KCNQ5: variants seen among roughly 807,000 people sequenced by gnomAD.
The protein encoded by KCNQ5 is potassium voltage-gated channel subfamily KQT member 5.
KCNQ5 carries 30 observed loss-of-function variants against 98.2 expected under a neutral mutation model. That is an observed-to-expected ratio of 0.31 (90% confidence interval 0.23 to 0.41). The LOEUF (loss-of-function observed/expected upper bound fraction) is 0.41. KCNQ5 is among the 10% of genes least tolerant of loss of function. The pLI is 1.00. For missense variants in KCNQ5, 835 were observed against 1,182.5 expected, an observed-to-expected ratio of 0.71 and a Z score of 4.31; for synonymous variants, 458 against 449.4, an observed-to-expected ratio of 1.02 and a Z score of -0.24.
chr6:72,765,667 A>T lies in KCNQ5; in HGVS notation c.398+143080A>T, dbSNP rs79328036. Reference sequence around the variant, plus strand: ...ATTCATGTACTGAGAAATAGGCAGGAGGCAGCTGATATCAACCTTCCTATA... The same window carrying T: ...ATTCATGTACTGAGAAATAGGCAGGTGGCAGCTGATATCAACCTTCCTATA... On this transcript the variant is annotated intron_variant, in intron 1 of 13. Coordinates refer to ENST00000370398, the MANE Select transcript of KCNQ5 (RefSeq NM_019842.4). Among the ~76,000 whole-genome samples, 19 of 152,188 alleles carry T rather than the reference A, an allele frequency of 1.2e-4. No homozygotes were observed. The East Asian group carries it at 3.5e-3, about 28-fold the overall frequency.
chr6:72,805,450 A>G (rs923278613), intron 1 of KCNQ5, among the ~76,000 whole-genome samples: 4 of 151,994 alleles, frequency 2.6e-5, no homozygotes, highest in Admixed American at 6.6e-5. Flanking sequence ...TGGCACTTCT[A>G]TTGAAAAATG....
Position 72,654,873 on chromosome 6 carries a change from G to T in KCNQ5, c.398+32286G>T, listed in dbSNP as rs571305912. Reference sequence around the variant, plus strand: ...AATTGTTCAATGAACAAAGAAAACTGTACTTTTGACTAAATTGTAATTAAG... The same window carrying T: ...AATTGTTCAATGAACAAAGAAAACTTTACTTTTGACTAAATTGTAATTAAG... On this transcript the variant is annotated intron_variant, in intron 1 of 13. Coordinates refer to ENST00000370398, the MANE Select transcript of KCNQ5 (RefSeq NM_019842.4). Among the ~76,000 whole-genome samples, 5 of 152,082 alleles carry T rather than the reference G, an allele frequency of 3.3e-5. No individual in the cohort carries two copies. The East Asian group carries it at 9.6e-4, about 29-fold the overall frequency.
chr6:73,142,495 T>C (rs903265631), intron 10 of KCNQ5, among the ~76,000 whole-genome samples: 7 of 145,062 alleles, frequency 4.8e-5, no homozygotes, highest in African/African-American at 1.8e-4. Flanking sequence ...TTGTATTATA[T>C]CTCAAAAAAA....
At chr6:73,165,255 G>C (rs1371750397) in intron 10 of KCNQ5, among the ~76,000 whole-genome samples, 2 of 152,088 alleles carry the variant, frequency 1.3e-5, no homozygotes, top group Non-Finnish European at 2.9e-5. Context: ...CAAAGTGCAG[G>C]ATTAAAGGAA....
rs1018167463 is a variant in KCNQ5, at chr6:72,813,541, C to G, written c.399-190367C>G. Among the ~76,000 whole-genome samples the G allele has an allele frequency of 2.0e-5, 3 of 152,120 alleles. No individual in the cohort carries two copies. In the South Asian group the frequency reaches 6.2e-4, roughly 32 times the overall value. On this transcript the variant is annotated intron_variant, in intron 1 of 13. Transcript: ENST00000370398. ...TCCCACAATTAATAGAAATTACTGT[C>G]TCTCACACCCACCTCATGTACCACC...
chr6:72,858,867 T>G (rs905629073), intron 1 of KCNQ5, among the ~76,000 whole-genome samples: 6 of 152,130 alleles, frequency 3.9e-5, no homozygotes, highest in African/African-American at 1.2e-4. Context: ...TATCTATAGT[T>G]TAGTTAATTT....
chr6:72,876,586 C>G (rs558654160), intron 1 of KCNQ5, among the ~76,000 whole-genome samples: 2 of 152,172 alleles, frequency 1.3e-5, no homozygotes, highest in East Asian at 3.9e-4. Flanking sequence ...TCTTTTATGT[C>G]AGATTCCTTT....
At chr6:72,764,582 C>T (rs1433285671) in intron 1 of KCNQ5, among the ~76,000 whole-genome samples, 2 of 151,908 alleles carry the variant, frequency 1.3e-5, no homozygotes, top group African/African-American at 4.8e-5. Flanking sequence ...ACATCCATCC[C>T]CTCAAGCATT....
chr6:72,943,866 T>G (rs1287835306), intron 1 of KCNQ5, among the ~76,000 whole-genome samples: 4 of 152,236 alleles, frequency 2.6e-5, no homozygotes, highest in Non-Finnish European at 5.9e-5. Context: ...GAATGACAGA[T>G]AGATATTACA....
intron 10 of KCNQ5, among the ~76,000 whole-genome samples, chr6:73,151,724 G>T (rs564597042): frequency 9.3e-4 from 141 of 152,270 alleles, no homozygotes; most frequent in African/African-American, 3.1e-3. Context: ...TGAGCTGGCT[G>T]CTCTCTAAGC....
intron 8 of KCNQ5, among the ~76,000 whole-genome samples, chr6:73,123,190 A>G (rs71573583): frequency 6.6e-5 from 10 of 152,260 alleles, no homozygotes; most frequent in Non-Finnish European, 1.0e-4. Flanking sequence ...GTTGGGATAG[A>G]CAATATAAAT....
chr6:72,939,454 T>C (rs760663118), intron 1 of KCNQ5, among the ~76,000 whole-genome samples: 1 of 152,190 alleles, frequency 6.6e-6, no homozygotes, highest in African/African-American at 2.4e-5. Flanking sequence ...CTGTCAAGCA[T>C]CCTTTATTTC....
intron 1 of KCNQ5, among the ~76,000 whole-genome samples, chr6:72,998,327 G>A (rs1489958665): frequency 6.6e-6 from 1 of 152,190 alleles, no homozygotes; most frequent in African/African-American, 2.4e-5. Context: ...TGAAAAGTCA[G>A]AAGCAGGGTT....
At chr6:72,943,210 C>T (rs1431687734) in intron 1 of KCNQ5, among the ~76,000 whole-genome samples, 4 of 152,148 alleles carry the variant, frequency 2.6e-5, no homozygotes, top group Non-Finnish European at 5.9e-5. Flanking sequence ...GAAAGATGAT[C>T]GTGCCCTTCC....
chr6:72,988,649 C>CTTTTTTTTTTTTTTTTT (rs71540364), intron 1 of KCNQ5, among the ~76,000 whole-genome samples: 1 of 127,870 alleles, frequency 7.8e-6, no homozygotes, highest in Non-Finnish European at 1.6e-5. Context: ...GCATGATTTT[C>CTTTTTTTTTTTTTTTTT]TTTTTTTTTT....
At chr6:72,655,018 G>GTCTTTCTT (rs1392372301) in intron 1 of KCNQ5, among the ~76,000 whole-genome samples, 2 of 90,592 alleles carry the variant, frequency 2.2e-5, no homozygotes, top group Admixed American at 1.2e-4. Context: ...AATAGCCAAG[G>GTCTTTCTT]TCTGTCTGTC....
intron 1 of KCNQ5, among the ~76,000 whole-genome samples, chr6:72,685,351 A>C (rs1418320001): frequency 6.6e-6 from 1 of 152,226 alleles, no homozygotes; most frequent in Non-Finnish European, 1.5e-5. Context: ...TTTAGTTAAC[A>C]AAACTATATG....
chr6:72,755,585 A>G (rs888083334), intron 1 of KCNQ5, among the ~76,000 whole-genome samples: 1 of 152,136 alleles, frequency 6.6e-6, no homozygotes, highest in African/African-American at 2.4e-5. Context: ...AGTAATTTAT[A>G]TCATTTCACC....
At chr6:72,936,030 A>G (rs1765899544) in intron 1 of KCNQ5, among the ~76,000 whole-genome samples, 1 of 152,200 alleles carries the variant, frequency 6.6e-6, no homozygotes, top group South Asian at 2.1e-4. Context: ...CTATGTCTTC[A>G]AATCCCATCT....
Sources: allele counts gnomAD v4.1 joint callset (sites outside exome capture counted in the v4.1 genomes callset), GRCh38; gene constraint gnomAD v4.1.1; transcripts MANE v1.5; gene names NCBI Gene and HGNC (gene_info 2026-07-23, HGNC 2026-07-21).